The following SLC6A16 variants were observed in gnomAD, a reference collection of about 807,000 sequenced individuals.
SLC6A16 encodes solute carrier family 6 member 16, also known as orphan sodium- and chloride-dependent neurotransmitter transporter NTT5.
Under a neutral mutation model 65.4 loss-of-function variants are expected in SLC6A16, and 54 were observed. The ratio of observed to expected loss-of-function variants is 0.83; its 90% CI spans 0.66 to 1.04. The LOEUF (loss-of-function observed/expected upper bound fraction) is 1.04, where lower values mean the gene tolerates loss of function less well. Ranked by LOEUF, SLC6A16 falls within the 50% of genes least tolerant of loss-of-function variation. The pLI, the probability that SLC6A16 is intolerant of heterozygous loss-of-function variation, is 0.00. For synonymous variants in SLC6A16, 330 were observed against 346.5 expected, an observed-to-expected ratio of 0.95 and a Z score of 0.53; for missense variants, 816 against 914.0, an observed-to-expected ratio of 0.89 and a Z score of 1.38.
At chr19:49,325,996 T>C (rs1172782828), upstream of SLC6A16, among the ~76,000 whole-genome samples, 1 of 150,428 alleles carries the variant, frequency 6.6e-6, no homozygotes, top group Non-Finnish European at 1.5e-5. Context: ...ACCCCGTCTC[T>C]ACTAAAAGTC....
At chr19:49,338,937 G>T in the SLC6A16 span, 1 of 1,610,368 alleles carries the variant, frequency 6.2e-7, no homozygotes, top group South Asian at 1.1e-5. This position sits in a 1 kb window ranked among gnomAD's most constrained non-coding sequence, Gnocchi z 5.0. Context: ...CTACCGCGAG[G>T]TGGGCAGGGG....
chr19:49,333,013 T>A, the SLC6A16 span, among the ~76,000 whole-genome samples: 5 of 150,888 alleles, frequency 3.3e-5, no homozygotes, highest in African/African-American at 1.2e-4. Flanking sequence ...AATACAAAAA[T>A]TAGTCAGGTA....
the SLC6A16 span, chr19:49,340,235 TCTC>T: frequency 1.9e-6 from 3 of 1,577,490 alleles, no homozygotes; most frequent in Non-Finnish European, 2.6e-6. Flanking sequence ...TCTGACCTCA[TCTC>T]CTTTCTCTAT....
Position 49,292,699 on chromosome 19 carries a change from C to T in SLC6A16, c.1778+524G>A, listed in dbSNP as rs1046084973. On this transcript the variant is annotated intron_variant, in intron 10 of 11. Transcript: ENST00000335875. This position sits in a 1 kb window ranked among gnomAD's most constrained non-coding sequence, Gnocchi z 4.3. ...TCAAAAACTCTAGGCATTATGCTTC[C>T]TCTGGCCTTGGTAATTTCTGTTTCC... is the stretch of plus-strand genomic sequence containing the variant. Among the ~76,000 whole-genome samples the T allele has an allele frequency of 6.6e-6, 1 of 152,094 alleles. No individual in the cohort carries two copies. The highest frequency in any genetic ancestry group is 6.6e-5 in the Admixed American group (1 of 15,266).
At chr19:49,318,272 A>C (rs775524781) in intron 1 of SLC6A16, among the ~76,000 whole-genome samples, 3 of 152,212 alleles carry the variant, frequency 2.0e-5, no homozygotes, top group Non-Finnish European at 2.9e-5. Context: ...TCCATCAGCC[A>C]GTGTGGAGAG....
At chr19:49,331,027 A>G in the SLC6A16 span, among the ~76,000 whole-genome samples, 1 of 152,156 alleles carries the variant, frequency 6.6e-6, no homozygotes, top group African/African-American at 2.4e-5. Flanking sequence ...CTGCTGTATA[A>G]ATTACTACAA....
chr19:49,339,889 C>T, the SLC6A16 span: 1 of 1,344,622 alleles, frequency 7.4e-7, no homozygotes, highest in Non-Finnish European at 9.6e-7. This position sits in a 1 kb window ranked among gnomAD's most constrained non-coding sequence, Gnocchi z 4.5. Context: ...GCTCTGGCCG[C>T]TGTGGGTTCA....
At chr19:49,307,725 A>AAAAAAAAAAAAAAAAGAAAAAG (rs1970421905) in intron 7 of SLC6A16, among the ~76,000 whole-genome samples, 1 of 15,668 alleles carries the variant, frequency 6.4e-5, no homozygotes, top group African/African-American at 5.9e-4. Flanking sequence ...AGGAGGAAGC[A>AAAAAAAAAAAAAAAAGAAAAAG]AAAAAAAAGA....
chr19:49,325,010 T>C, intron 1 of SLC6A16, 38 bp downstream of exon 1: 4 of 983,874 alleles, frequency 4.1e-6, no homozygotes, highest in Non-Finnish European at 4.8e-6. Flanking sequence ...ACCCCAGATG[T>C]GGGAACATTT....
chr19:49,332,793 G>C, the SLC6A16 span, among the ~76,000 whole-genome samples: 3 of 152,168 alleles, frequency 2.0e-5, no homozygotes, highest in African/African-American at 7.2e-5. Context: ...TTAGGATGGT[G>C]GCCTTGGAAA....
upstream of SLC6A16, chr19:49,325,315 C>G: frequency 1.2e-6 from 1 of 863,068 alleles, no homozygotes; most frequent in African/African-American, 1.8e-5. Flanking sequence ...GCTCTCTCCC[C>G]ACACGCACGC....
Position 49,325,113 on chromosome 19 carries a change from G to C in SLC6A16, c.-130C>G. The C allele has an allele frequency of 1.0e-6, 1 of 985,584 alleles. No individual in the cohort carries two copies. Among genetic ancestry groups the C allele is most frequent in the South Asian group, 4.7e-5 (1 of 21,290 alleles). The allele number at this position is 985,584 out of a possible 1,614,324, so 61.1% of individuals were successfully genotyped here. A position where few individuals can be genotyped will look rare whatever the true frequency, so the allele number is the denominator to read the frequency against. ...GTCGGACAAAAATGAGGGTGAAGAAGCCCCAGCTGAGAAGCCTAGCAATCT... is the reference window on the plus strand; with the variant it reads ...GTCGGACAAAAATGAGGGTGAAGAACCCCCAGCTGAGAAGCCTAGCAATCT... On this transcript the variant is annotated 5_prime_UTR_variant, in exon 1 of 12. Coordinates refer to ENST00000335875, the MANE Select transcript of SLC6A16 (RefSeq NM_014037.3).
chr19:49,335,228 G>A, the SLC6A16 span: 8 of 389,574 alleles, frequency 2.1e-5, no homozygotes, highest in Non-Finnish European at 2.8e-5. The surrounding 1 kb of genome is among the most constrained non-coding windows in gnomAD (Gnocchi z 4.6). Context: ...CAGCGCCTGA[G>A]ACATGGAGAC....
rs754914773 is a variant in SLC6A16, at chr19:49,290,743, C to T, written c.1803G>A (p.Leu601=). 6.7e-5 allele frequency: 108 copies of T among 1,611,210 alleles called. No homozygotes were observed. Among genetic ancestry groups the T allele is most frequent in the Non-Finnish European group, 1.8e-5 (21 of 1,178,800 alleles). ...ARRFLADLTI[L]LGHPISPIFG... ...AGATGGGAGAGATGGGGTGGCCCAA[C>T]AGGATCGTCAGGTCTGCAAGGAACC... Residue 601 remains leucine, a synonymous_variant, in exon 11 of 12, where the codon CTG becomes CTA. Coordinates refer to ENST00000335875, the MANE Select transcript of SLC6A16 (RefSeq NM_014037.3).
At chr19:49,321,848 G>A (rs904568788) in intron 1 of SLC6A16, among the ~76,000 whole-genome samples, 1 of 152,114 alleles carries the variant, frequency 6.6e-6, no homozygotes, top group South Asian at 2.1e-4. Flanking sequence ...CTTCAGCCCA[G>A]GAGGTCAACG....
At chr19:49,339,196 G>A in the SLC6A16 span, 1 of 801,594 alleles carries the variant, frequency 1.2e-6, no homozygotes, top group Non-Finnish European at 2.1e-6. This position sits in a 1 kb window ranked among gnomAD's most constrained non-coding sequence, Gnocchi z 4.5. Context: ...CACTAGTAAG[G>A]AGACTAGAGT....
chr19:49,327,764 G>A (rs1341818786), upstream of SLC6A16, among the ~76,000 whole-genome samples: 1 of 152,188 alleles, frequency 6.6e-6, no homozygotes, highest in Non-Finnish European at 1.5e-5. Context: ...TTTCAGCAGA[G>A]AGCTGAAGGA....
intron 1 of SLC6A16, among the ~76,000 whole-genome samples, chr19:49,322,140 G>T (rs1263875163): frequency 6.6e-6 from 1 of 152,022 alleles, no homozygotes; most frequent in Non-Finnish European, 1.5e-5. Context: ...AACCAAACTA[G>T]AAAGATTATA....
At chr19:49,332,298 T>C in the SLC6A16 span, 30 of 456,558 alleles carry the variant, frequency 6.6e-5, no homozygotes, top group Non-Finnish European at 1.2e-4. Context: ...GGCTCACGCC[T>C]GTAATCCCAG....
Sources: allele counts gnomAD v4.1 joint callset (sites outside exome capture counted in the v4.1 genomes callset), GRCh38; gene constraint gnomAD v4.1.1; non-coding constraint Gnocchi (gnomAD v3.1); transcripts MANE v1.5; gene names NCBI Gene and HGNC (gene_info 2026-07-23, HGNC 2026-07-21).